Variants in NOL4L observed in about 807,000 individuals in gnomAD.
The protein encoded by NOL4L is nucleolar protein 4-like.
A neutral mutation model predicts 64.5 loss-of-function variants in NOL4L; 7 were observed. The observed-to-expected ratio is 0.11, with a 90% CI of 0.06 to 0.20. The LOEUF is 0.20. Among genes scored for constraint, NOL4L ranks in the 10% least tolerant of loss-of-function variants. The probability of loss-of-function intolerance (pLI) is 1.00; values close to 1 mark genes in which losing one functional copy is unlikely to be tolerated. For synonymous variants in NOL4L, 413 were observed against 401.0 expected (o/e 1.03, Z -0.36); for missense variants, 680 against 967.1 (o/e 0.70, Z 3.94).
At chr20:32,488,884 T>C (rs992668842) in intron 4 of NOL4L, among the ~76,000 whole-genome samples, 14 of 131,086 alleles carry the variant, frequency 1.1e-4, no homozygotes, top group Admixed American at 6.4e-4. Context: ...TCTTTCTTTC[T>C]TTCTTTCTTT....
intron 4 of NOL4L, among the ~76,000 whole-genome samples, chr20:32,486,013 G>A (rs2016073885): frequency 6.6e-6 from 1 of 152,212 alleles, no homozygotes; most frequent in Admixed American, 6.5e-5. Flanking sequence ...GGCATGAAAC[G>A]TGAACTCATT....
At chr20:32,581,377 A>G (rs1980462926) in intron 1 of NOL4L, among the ~76,000 whole-genome samples, 1 of 151,846 alleles carries the variant, frequency 6.6e-6, no homozygotes, top group Admixed American at 6.6e-5. Flanking sequence ...TGTCACACAC[A>G]CCCAGAAAAG....
intron 1 of NOL4L, among the ~76,000 whole-genome samples, chr20:32,529,877 T>C (rs551541959): frequency 1.1e-4 from 17 of 152,356 alleles, no homozygotes; most frequent in Admixed American, 7.2e-4. Flanking sequence ...GGGCAAACCC[T>C]TCAACCTCCC....
In NOL4L at chr20:32,463,874, AG is replaced by A. The variant is rs1390114360; in HGVS notation, c.842-7480del. Among the ~76,000 whole-genome samples, 3 of 152,126 alleles carry A rather than the reference AG, an allele frequency of 2.0e-5. No individual in the cohort carries two copies. Among genetic ancestry groups the A allele is most frequent in the African/African-American group, 7.2e-5 (3 of 41,428 alleles). ...CCCAGGCTAGGCTCGGAGAACGGGA[AG>A]GCCCACCATCCCTGGGACCACAGGC... On this transcript the variant is annotated intron_variant, in intron 5 of 10. Coordinates refer to ENST00000621426, the MANE Select transcript of NOL4L (RefSeq NM_001256798.2). This position sits in a 1 kb window ranked among gnomAD's most constrained non-coding sequence, Gnocchi z 5.8.
At chr20:32,475,000 C>T in intron 4 of NOL4L, 1 of 985,430 alleles carries the variant, frequency 1.0e-6, no homozygotes, top group Non-Finnish European at 1.2e-6. Flanking sequence ...GTCTCGCATC[C>T]TGCAGGGGCG....
intron 4 of NOL4L, among the ~76,000 whole-genome samples, chr20:32,499,926 G>T (rs2016851055): frequency 6.6e-6 from 1 of 152,004 alleles, no homozygotes; most frequent in African/African-American, 2.4e-5. Flanking sequence ...AAGGAGCCCA[G>T]TGGACCAAAC....
rs2014347346 is a variant in NOL4L, at chr20:32,464,227, C to T, written c.842-7832G>A. ...CCCTGCCTGCTTTGACAAAGGCCAG[C>T]GCCCAGGCTGTGTTTACACGATGCG... On this transcript the variant is annotated intron_variant, in intron 5 of 10. Transcript: ENST00000621426. This position sits in a 1 kb window ranked among gnomAD's most constrained non-coding sequence, Gnocchi z 5.6. 2.6e-5 allele frequency among the ~76,000 whole-genome samples: 4 copies of T among 152,180 alleles called. No individual in the cohort carries two copies. The highest frequency in any genetic ancestry group is 4.8e-5 in the African/African-American group (2 of 41,450).
At chr20:32,516,618 C>T (rs572547978) in intron 3 of NOL4L, among the ~76,000 whole-genome samples, 114 of 152,310 alleles carry the variant, frequency 7.5e-4, no homozygotes, top group Non-Finnish European at 1.0e-3. Flanking sequence ...CTCCCAGGAA[C>T]CTTGTGAGGT....
chr20:32,471,177 C>T (rs1478688841), intron 5 of NOL4L, among the ~76,000 whole-genome samples: 1 of 148,414 alleles, frequency 6.7e-6, no homozygotes, highest in Admixed American at 6.7e-5. Flanking sequence ...GGAGTGAAAG[C>T]TGTGGCACCC....
chr20:32,461,050 C>T (rs924054070), intron 5 of NOL4L, among the ~76,000 whole-genome samples: 2 of 152,196 alleles, frequency 1.3e-5, no homozygotes, highest in South Asian at 4.1e-4. Context: ...GACGGTGGGG[C>T]GAGGGCTGAA....
intron 5 of NOL4L, among the ~76,000 whole-genome samples, chr20:32,458,708 G>A (rs1314054865): frequency 6.6e-6 from 1 of 152,228 alleles, no homozygotes; most frequent in Non-Finnish European, 1.5e-5. Flanking sequence ...TCTGGAATGA[G>A]GGGCTGCTCC....
intron 4 of NOL4L, among the ~76,000 whole-genome samples, chr20:32,476,222 C>CACAT (rs897484227): frequency 3.9e-5 from 6 of 151,908 alleles, no homozygotes; most frequent in African/African-American, 1.4e-4. Flanking sequence ...CACACACACA[C>CACAT]ACACACACAC....
Position 32,520,881 on chromosome 20 carries a change from G to A in NOL4L, c.519C>T (p.Thr173=), listed in dbSNP as rs780451989. Residue 173 remains threonine (T), a synonymous_variant, in exon 3 of 11, where the codon ACC becomes ACT. Transcript: ENST00000621426. Reference sequence around the variant, plus strand: ...ACTCCGTACAGCTCATCAGGAACCGGGTCACGGCCTCTCTCGGGAGGAAGG... The same window carrying A: ...ACTCCGTACAGCTCATCAGGAACCGAGTCACGGCCTCTCTCGGGAGGAAGG... ...TYAFLPREAV[T]RFLMSCTECQ... is the part of the protein sequence containing the mutation. 3 of 1,550,618 alleles carry A rather than the reference G, an allele frequency of 1.9e-6. No homozygotes were observed. In the South Asian group the frequency reaches 3.6e-5, roughly 18 times the overall value.
chr20:32,482,564 T>C (rs2015799881), intron 4 of NOL4L, among the ~76,000 whole-genome samples: 1 of 151,844 alleles, frequency 6.6e-6, no homozygotes, highest in Non-Finnish European at 1.5e-5. Context: ...GAGGTGTAAA[T>C]CCAACTTAAC....
intron 1 of NOL4L, among the ~76,000 whole-genome samples, chr20:32,580,247 C>T (rs1980383211): frequency 6.6e-6 from 1 of 152,090 alleles, no homozygotes; most frequent in Admixed American, 6.6e-5. Flanking sequence ...TGTGAGAATT[C>T]CACAAGCTGA....
chr20:32,474,083 G>T (rs984324643), intron 5 of NOL4L, among the ~76,000 whole-genome samples: 8 of 152,244 alleles, frequency 5.3e-5, no homozygotes, highest in African/African-American at 1.9e-4. Context: ...GGCGGTCAGG[G>T]CTAGGGAAGA....
At chr20:32,466,198 C>A (rs1189958037) in intron 5 of NOL4L, among the ~76,000 whole-genome samples, 1 of 152,152 alleles carries the variant, frequency 6.6e-6, no homozygotes, top group Non-Finnish European at 1.5e-5. Context: ...AAACTCCTGA[C>A]CTCAAGTGAT....
intron 1 of NOL4L, among the ~76,000 whole-genome samples, chr20:32,554,403 C>G (rs1055322934): frequency 5.3e-5 from 8 of 151,400 alleles, no homozygotes; most frequent in Non-Finnish European, 1.2e-4. Context: ...GCGCTTGTCA[C>G]AGGCTGCACA....
At chr20:32,558,336 A>G (rs1441912436) in intron 1 of NOL4L, among the ~76,000 whole-genome samples, 2 of 152,122 alleles carry the variant, frequency 1.3e-5, no homozygotes, top group African/African-American at 4.8e-5. Context: ...TCCGCATCGT[A>G]ATCTAACCCT....
Sources: allele counts gnomAD v4.1 joint callset (sites outside exome capture counted in the v4.1 genomes callset), GRCh38; gene constraint gnomAD v4.1.1; non-coding constraint Gnocchi (gnomAD v3.1); transcripts MANE v1.5; gene names NCBI Gene and HGNC (gene_info 2026-07-23, HGNC 2026-07-21).